The following DISP3 variants were observed in gnomAD, a reference collection of about 807,000 sequenced individuals.
DISP3 encodes protein dispatched homolog 3.
DISP3 carries 101 observed loss-of-function variants against 135.3 expected under a neutral mutation model. The ratio of observed to expected loss-of-function variants is 0.75; its 90% CI spans 0.64 to 0.88. The LOEUF is 0.88. Ranked by LOEUF, DISP3 falls within the 40% of genes least tolerant of loss-of-function variation. DISP3 has a pLI of 0.00. For missense variants in DISP3, 1,713 were observed against 1,878.6 expected (o/e 0.91, Z 1.63); for synonymous variants, 856 against 817.0 (o/e 1.05, Z -0.81).
Position 11,499,006 on chromosome 1 carries a change from C to T in DISP3, c.-3-1984C>T, listed in dbSNP as rs755243851. Among the ~76,000 whole-genome samples the T allele has an allele frequency of 3.9e-5, 6 of 152,090 alleles. No homozygotes were observed. Among genetic ancestry groups the T allele is most frequent in the African/African-American group, 7.2e-5 (3 of 41,398 alleles). On this transcript the variant is annotated intron_variant, in intron 1 of 20. Transcript: ENST00000294484. The surrounding 1 kb of genome is among the most constrained non-coding windows in gnomAD (Gnocchi z 5.2). Reference sequence around the variant, plus strand: ...ACCAGGCAAAATCTAGTGAGGATGGCGAGAAGCTTAGACAGGAAGCTGGGG... The same window carrying T: ...ACCAGGCAAAATCTAGTGAGGATGGTGAGAAGCTTAGACAGGAAGCTGGGG...
intron 1 of DISP3, among the ~76,000 whole-genome samples, chr1:11,500,546 G>A (rs929659087): frequency 2.0e-5 from 3 of 152,170 alleles, no homozygotes; most frequent in Non-Finnish European, 4.4e-5. Flanking sequence ...CTTGCACCCT[G>A]ATACTTCCTA....
intron 1 of DISP3, among the ~76,000 whole-genome samples, chr1:11,497,823 G>A (rs1641379927): frequency 6.6e-6 from 1 of 152,190 alleles, no homozygotes; most frequent in Non-Finnish European, 1.5e-5. Flanking sequence ...AGGTTGCTGT[G>A]AATGCTGTTA....
chr1:11,517,616 G>T lies in DISP3; in HGVS notation c.1889+14G>T. On this transcript the variant is annotated intron_variant, in intron 7 of 20. Coordinates refer to ENST00000294484, the MANE Select transcript of DISP3 (RefSeq NM_020780.2). ...CTGCCAGACCAGGTAAGTCGGGCAG[G>T]GCCTCCACCCACAGCAGGGTATCCA... 1 of 1,611,734 alleles carries T rather than the reference G, an allele frequency of 6.2e-7. No homozygotes were observed. The highest frequency in any genetic ancestry group is 8.5e-7 in the Non-Finnish European group (1 of 1,179,882).
In DISP3 at chr1:11,535,655, T is replaced by C; in HGVS notation, c.3816+11T>C. ...CCCCACCAGGCCGAGGTGCGCACCC[T>C]GCCCGCCTTACCCACTTCCCACCAC... On this transcript the variant is annotated intron_variant, in intron 20 of 20. Transcript: ENST00000294484. 6.2e-7 allele frequency: 1 copy of C among 1,606,710 alleles called. No homozygotes were observed. The highest frequency in any genetic ancestry group is 8.5e-7 in the Non-Finnish European group (1 of 1,177,594).
In DISP3 at chr1:11,531,777, C is replaced by T. The variant is rs971576215; in HGVS notation, c.3375+67C>T. On this transcript the variant is annotated intron_variant, in intron 17 of 20. Transcript: ENST00000294484. The surrounding 1 kb of genome is among the most constrained non-coding windows in gnomAD (Gnocchi z 5.2). ...GCCCGGGGTGTGCCACCTCTGATCCCAGCCCTCTTCCCAGATCGGGGGGGA... is the reference window on the plus strand; with the variant it reads ...GCCCGGGGTGTGCCACCTCTGATCCTAGCCCTCTTCCCAGATCGGGGGGGA... 2.0e-6 allele frequency: 3 copies of T among 1,521,586 alleles called. No homozygotes were observed. The African/African-American group carries it at 4.1e-5, about 21-fold the overall frequency. 94.3% of individuals were successfully genotyped at this position (1,521,586 alleles called of 1,614,324 possible). A position where few individuals can be genotyped will look rare whatever the true frequency, so the allele number is the denominator to read the frequency against.
rs541662772 is a variant in DISP3 at position 11,501,442 on chromosome 1, C to G, written c.450C>G (p.Arg150=). The G allele has an allele frequency of 9.4e-6, 15 of 1,598,302 alleles. No homozygotes were observed. In the African/African-American group the frequency reaches 1.2e-4, roughly 13 times the overall value. ...LADFTSETLQ[R]LISEQLQQLH... ...ACTTCACCTCCGAGACGCTTCAGCG[C>G]CTTATCTCAGAGCAGCTGCAGCAGC... Residue 150 remains arginine, a synonymous_variant, in exon 2 of 21, where the codon CGC becomes CGG. Coordinates refer to ENST00000294484, the MANE Select transcript of DISP3 (RefSeq NM_020780.2). This position sits in a 1 kb window ranked among gnomAD's most constrained non-coding sequence, Gnocchi z 4.9.
In DISP3 at chr1:11,524,035, G is replaced by T; in HGVS notation, c.2456G>T (p.Arg819Leu). 1 of 1,612,648 alleles carries T rather than the reference G, an allele frequency of 6.2e-7. No homozygotes were observed. The highest frequency in any genetic ancestry group is 8.5e-7 in the Non-Finnish European group (1 of 1,179,242). ...GGCTCAGGGGTCCCCTGGGCTAGCC[G>T]GCCTGAGGCCACCCTGCAGGGTGAG... ...RRGSGVPWAS[R>L]PEATLQDFPG... The change falls in exon 11 of 21, where the codon CGG (arginine) becomes CTG (leucine). Residue 819 changes from arginine (R) to leucine (L), a missense_variant. By Grantham distance (102) the Arg-to-Leu change is moderately radical. This residue lies in a region of DISP3 where 1,142 missense variants were observed against 1,384.6 expected (regional missense o/e 0.82). Transcript: ENST00000294484.
intron 1 of DISP3, among the ~76,000 whole-genome samples, chr1:11,479,956 G>T (rs534451604): frequency 9.9e-4 from 151 of 152,332 alleles, no homozygotes; most frequent in African/African-American, 3.5e-3. Context: ...ATCCGCGCGC[G>T]CGAGGGTCCC....
In DISP3 at chr1:11,501,863, AC is replaced by A; in HGVS notation, c.873del (p.Ser292ValfsTer49). Reference protein sequence around the residue: ...ARGDAERNIFTSERLVTIHEI... With the variant: ...ARGDAERNIFXSERLVTIHEI... ...CGGCGACGCGGAGCGCAACATTTTC[AC>A]CAGTGAGCGCCTGGTCACGATCCAT... On this transcript the variant is annotated frameshift_variant, in exon 2 of 21. Coordinates refer to ENST00000294484, the MANE Select transcript of DISP3 (RefSeq NM_020780.2). LOFTEE classifies it high-confidence loss of function. The surrounding 1 kb of genome is among the most constrained non-coding windows in gnomAD (Gnocchi z 4.9). 2 of 1,612,928 alleles carry A rather than the reference AC, an allele frequency of 1.2e-6. No homozygotes were observed. Among genetic ancestry groups the A allele is most frequent in the Non-Finnish European group, 1.7e-6 (2 of 1,179,604 alleles).
Position 11,520,411 on chromosome 1 carries a change from G to C in DISP3, c.2201-276G>C, listed in dbSNP as rs1180950680. Among the ~76,000 whole-genome samples, 1 of 152,144 alleles carries C rather than the reference G, an allele frequency of 6.6e-6. No homozygotes were observed. The highest frequency in any genetic ancestry group is 1.9e-4 in the East Asian group (1 of 5,194). ...AGTGCACCAGCTCGTCATAAACTAT[G>C]AGGTGCTCTGAGGTGGTGGCCGCCT... is the stretch of plus-strand genomic sequence containing the variant. On this transcript the variant is annotated intron_variant, in intron 9 of 20. Coordinates refer to ENST00000294484, the MANE Select transcript of DISP3 (RefSeq NM_020780.2). The surrounding 1 kb of genome is among the most constrained non-coding windows in gnomAD (Gnocchi z 4.8).
chr1:11,535,406 C>T, intron 19 of DISP3, 72 bp from the exon 20 acceptor site: 3 of 1,529,730 alleles, frequency 2.0e-6, no homozygotes, highest in African/African-American at 1.4e-5. Context: ...GGGCTGGACT[C>T]CAGACCTCCC....
intron 15 of DISP3, 91 bp from the exon 16 acceptor site, chr1:11,530,816 G>A (rs1178846630): frequency 6.5e-7 from 1 of 1,527,394 alleles, no homozygotes; most frequent in Non-Finnish European, 8.9e-7. Context: ...GAAGCTGCTG[G>A]AGGTTCTGCC....
intron 17 of DISP3, 27 bp from the exon 18 acceptor site, chr1:11,534,354 C>CT: frequency 1.2e-6 from 2 of 1,613,938 alleles, no homozygotes; most frequent in Non-Finnish European, 1.7e-6. Flanking sequence ...CCCTGCCTGT[C>CT]TCACTAGCTC....
chr1:11,526,159 G>A (rs944535126), intron 12 of DISP3, among the ~76,000 whole-genome samples: 7 of 152,184 alleles, frequency 4.6e-5, no homozygotes, highest in African/African-American at 1.7e-4. Context: ...AGCCTCGCAT[G>A]TGCAGTTCCC....
chr1:11,508,913 C>G (rs1401724123), intron 3 of DISP3, among the ~76,000 whole-genome samples: 3 of 152,092 alleles, frequency 2.0e-5, no homozygotes, highest in African/African-American at 7.2e-5. Flanking sequence ...TTGATTTCTG[C>G]TCTGATCTTT....
Position 11,516,236 on chromosome 1 carries a change from CCCA to C in DISP3, c.1749+81_1749+83del. 1 of 1,532,742 alleles carries C rather than the reference CCCA, an allele frequency of 6.5e-7. No individual in the cohort carries two copies. The highest frequency in any genetic ancestry group is 2.3e-5 in the East Asian group (1 of 44,176). The allele number at this position is 1,532,742 out of a possible 1,614,324, so 94.9% of individuals were successfully genotyped here. A position where few individuals can be genotyped will look rare whatever the true frequency, so the allele number is the denominator to read the frequency against. ...TACCTAGCCGCTGGTCTCTGCCCTT[CCCA>C]CCACCGCTTGAGTGGCCATATAGCC... is the stretch of plus-strand genomic sequence containing the variant. On this transcript the variant is annotated intron_variant, in intron 6 of 20. Transcript: ENST00000294484. This position sits in a 1 kb window ranked among gnomAD's most constrained non-coding sequence, Gnocchi z 5.1.
chr1:11,505,437 A>G (rs778512571), intron 3 of DISP3, among the ~76,000 whole-genome samples: 4 of 152,238 alleles, frequency 2.6e-5, no homozygotes, highest in Non-Finnish European at 5.9e-5. Flanking sequence ...TTTAGGTACC[A>G]GTATTAACTC....
At position 11,520,964 on chromosome 1, in the gene DISP3, C is replaced by A; in HGVS notation, c.2362+116C>A. ...ATCAATGCCAGACCTCAGGCAAATCCCACTCCCCTCTGAGCCCCCATGTTC... is the reference window on the plus strand; with the variant it reads ...ATCAATGCCAGACCTCAGGCAAATCACACTCCCCTCTGAGCCCCCATGTTC... On this transcript the variant is annotated intron_variant, in intron 10 of 20. Transcript: ENST00000294484. This position sits in a 1 kb window ranked among gnomAD's most constrained non-coding sequence, Gnocchi z 4.8. 1 of 1,229,002 alleles carries A rather than the reference C, an allele frequency of 8.1e-7. No homozygotes were observed. Among genetic ancestry groups the A allele is most frequent in the Non-Finnish European group, 1.1e-6 (1 of 903,782 alleles). 76.1% of individuals were successfully genotyped at this position (1,229,002 alleles called of 1,614,324 possible).
Position 11,535,065 on chromosome 1 carries a change from C to T in DISP3, c.3590C>T (p.Ala1197Val), listed in dbSNP as rs758120299. The T allele has an allele frequency of 1.2e-5, 19 of 1,607,882 alleles. No homozygotes were observed. Among genetic ancestry groups the T allele is most frequent in the East Asian group, 4.5e-5 (2 of 44,734 alleles). The change falls in exon 19 of 21, where the codon GCG becomes GTG. Residue 1197 changes from alanine (A) to valine (V), a missense_variant. Physicochemically the swap from Ala to Val is moderately conservative, Grantham distance 64 (BLOSUM62 0). This residue lies in a region of DISP3 where 1,142 missense variants were observed against 1,384.6 expected (regional missense o/e 0.82). Coordinates refer to ENST00000294484, the MANE Select transcript of DISP3 (RefSeq NM_020780.2). ...CTATCCCTGCTCATCTGCGTGGCCG[C>T]GGTGGCCGTGTTCACCACCCACATC... ...LVLSLLICVA[A>V]VAVFTTHILL...
Sources: gnomAD v4.1 joint callset for allele counts (sites outside exome capture counted in the v4.1 genomes callset) on GRCh38, gnomAD v4.1.1 for gene constraint, gnomAD v4.1.1 regional missense constraint, Gnocchi (gnomAD v3.1) non-coding constraint, MANE v1.5 for transcripts, NCBI Gene and HGNC (gene_info 2026-07-23, HGNC 2026-07-21) for gene names.